Variants in TNNI3K observed in about 807,000 individuals in gnomAD.
TNNI3K encodes TNNI3 interacting kinase.
A neutral mutation model predicts 114.5 loss-of-function variants in TNNI3K; 140 were observed. That is an observed-to-expected ratio of 1.22 (90% CI 1.07 to 1.41). The LOEUF (loss-of-function observed/expected upper bound fraction) is 1.41. Among genes scored for constraint, TNNI3K ranks in the 40% most tolerant of loss-of-function variants. The probability of loss-of-function intolerance (pLI) is 0.00; values close to 1 mark genes in which losing one functional copy is unlikely to be tolerated. For synonymous variants in TNNI3K, 347 were observed against 347.5 expected, an observed-to-expected ratio of 1.00 and a Z score of 0.02; for missense variants, 1,125 against 1,007.6, an observed-to-expected ratio of 1.12 and a Z score of -1.58.
At chr1:74,418,161 C>T (rs1665221127) in intron 17 of TNNI3K, 1 of 453,966 alleles carries the variant, frequency 2.2e-6, no homozygotes, top group Non-Finnish European at 4.4e-6. Context: ...TTCACCCTCT[C>T]CTATAGGGCT....
intron 5 of TNNI3K, among the ~76,000 whole-genome samples, chr1:74,330,232 G>A (rs1266668482): frequency 6.6e-6 from 1 of 152,020 alleles, no homozygotes; most frequent in Non-Finnish European, 1.5e-5. Flanking sequence ...AAAAGAAACA[G>A]ATATAGGAAC....
chr1:74,483,168 C>A, intron 21 of TNNI3K: 1 of 663,640 alleles, frequency 1.5e-6, no homozygotes, highest in Non-Finnish European at 2.8e-6. Flanking sequence ...ACCTCTTAAG[C>A]TGAGCCCAGA....
At chr1:74,247,865 G>A (rs1259578504) in intron 2 of TNNI3K, among the ~76,000 whole-genome samples, 1 of 152,184 alleles carries the variant, frequency 6.6e-6, no homozygotes, top group Non-Finnish European at 1.5e-5. Flanking sequence ...AGGGGCCGCA[G>A]GCGGAGCCGC....
At position 74,473,897 on chromosome 1, in the gene TNNI3K, T is replaced by A. The variant is rs75732136; in HGVS notation, c.2121+10347T>A. On this transcript the variant is annotated intron_variant, in intron 21 of 24. Transcript: ENST00000326637. ...TCTAGATCTAAAGTCCTCTCTACAC[T>A]GGAAAGTCTATAATTCTTTTTCCAA... Among the ~76,000 whole-genome samples, 8 of 152,226 alleles carry A rather than the reference T, an allele frequency of 5.3e-5. No homozygotes were observed. The East Asian group carries it at 1.4e-3, about 26-fold the overall frequency.
At chr1:74,510,890 CT>C (rs1195105886) in intron 23 of TNNI3K, among the ~76,000 whole-genome samples, 1 of 152,098 alleles carries the variant, frequency 6.6e-6, no homozygotes, top group Non-Finnish European at 1.5e-5. Flanking sequence ...ACTGAATATG[CT>C]TTTTTTCTTT....
Position 74,349,531 on chromosome 1 carries a change from G to A in TNNI3K, c.933-3735G>A, listed in dbSNP as rs1426261557. 3.9e-5 allele frequency among the ~76,000 whole-genome samples: 6 copies of A among 152,162 alleles called. No individual in the cohort carries two copies. In the South Asian group the frequency reaches 1.2e-3, roughly 31 times the overall value. On this transcript the variant is annotated intron_variant, in intron 9 of 24. Coordinates refer to ENST00000326637, the MANE Select transcript of TNNI3K (RefSeq NM_015978.3). ...CCCTCTTTTTCTATTGATTGGAATA[G>A]TTTCAGAAGGAATGGTACCAGCTCC...
chr1:74,469,199 A>G (rs1160045986), intron 21 of TNNI3K: 1 of 152,616 alleles, frequency 6.6e-6, no homozygotes, highest in Non-Finnish European at 1.5e-5. Context: ...ATCTCCACCT[A>G]GTGGATATAT....
intron 23 of TNNI3K, among the ~76,000 whole-genome samples, chr1:74,521,028 C>T (rs187055770): frequency 6.6e-6 from 1 of 152,302 alleles, no homozygotes; most frequent in East Asian, 1.9e-4. Context: ...CTTCTCTGCT[C>T]TGGTTGCCCT....
intron 17 of TNNI3K, among the ~76,000 whole-genome samples, chr1:74,413,506 A>G (rs1664982968): frequency 6.6e-6 from 1 of 152,176 alleles, no homozygotes. Flanking sequence ...AGAATATTGT[A>G]CAGTCTGATA....
intron 17 of TNNI3K, among the ~76,000 whole-genome samples, chr1:74,421,798 T>G (rs1665407461): frequency 6.6e-6 from 1 of 151,920 alleles, no homozygotes; most frequent in African/African-American, 2.4e-5. Context: ...CTGTGTAGCA[T>G]ACCACCCTCA....
chr1:74,529,613 G>A (rs985661529), intron 23 of TNNI3K, among the ~76,000 whole-genome samples: 2 of 152,204 alleles, frequency 1.3e-5, no homozygotes, highest in Admixed American at 1.3e-4. Context: ...TTGTATTTTG[G>A]TTATGTAGGA....
intron 11 of TNNI3K, among the ~76,000 whole-genome samples, chr1:74,357,089 C>T (rs987963140): frequency 3.3e-5 from 5 of 152,218 alleles, no homozygotes; most frequent in Non-Finnish European, 1.5e-5. Flanking sequence ...CACCTGTCCC[C>T]GTATCCTTTG....
chr1:74,447,450 G>T (rs1301632270), intron 20 of TNNI3K, among the ~76,000 whole-genome samples: 1 of 144,476 alleles, frequency 6.9e-6, no homozygotes, highest in Non-Finnish European at 1.5e-5. Context: ...GTGGGCGAAG[G>T]ACATGAACAG....
intron 23 of TNNI3K, among the ~76,000 whole-genome samples, chr1:74,497,592 A>G (rs991959529): frequency 6.6e-5 from 10 of 150,566 alleles, no homozygotes; most frequent in Non-Finnish European, 1.2e-4. Flanking sequence ...ATACACATGC[A>G]CACACACACA....
At chr1:74,479,312 T>C (rs1668360073) in intron 21 of TNNI3K, among the ~76,000 whole-genome samples, 1 of 152,256 alleles carries the variant, frequency 6.6e-6, no homozygotes, top group South Asian at 2.1e-4. Context: ...TGTCATTTTA[T>C]ATTATTCATC....
intron 11 of TNNI3K, among the ~76,000 whole-genome samples, chr1:74,359,556 A>G (rs1303179785): frequency 6.6e-6 from 1 of 152,064 alleles, no homozygotes; most frequent in African/African-American, 2.4e-5. Flanking sequence ...CTCAAGTTAT[A>G]CCATTAATTT....
intron 9 of TNNI3K, chr1:74,345,857 C>A (rs1391354752): frequency 6.6e-6 from 1 of 152,144 alleles, no homozygotes; most frequent in Non-Finnish European, 1.5e-5. Context: ...CATACAAAAT[C>A]TTTTTCTCAA....
At chr1:74,444,155 C>A (rs959795726) in intron 20 of TNNI3K, among the ~76,000 whole-genome samples, 4 of 152,064 alleles carry the variant, frequency 2.6e-5, no homozygotes, top group African/African-American at 4.8e-5. Flanking sequence ...GAAGTTCTGG[C>A]CAGAACAATC....
At chr1:74,507,231 C>CCA (rs1423637779) in intron 23 of TNNI3K, among the ~76,000 whole-genome samples, 3 of 141,050 alleles carry the variant, frequency 2.1e-5, no homozygotes, top group Non-Finnish European at 3.1e-5. Flanking sequence ...TCACCCCCCC[C>CCA]CCATCTTTTT....
Sources: gnomAD v4.1 joint callset for allele counts (sites outside exome capture counted in the v4.1 genomes callset) on GRCh38, gnomAD v4.1.1 for gene constraint, MANE v1.5 for transcripts, NCBI Gene and HGNC (gene_info 2026-07-23, HGNC 2026-07-21) for gene names.